NXPH1: variants seen among roughly 807,000 people sequenced by gnomAD.
NXPH1 encodes the protein neurexophilin 1, also known as neurexophilin-1.
NXPH1 carries 5 observed loss-of-function variants against 23.7 expected under a neutral mutation model. That is an observed-to-expected ratio of 0.21 (90% CI 0.11 to 0.44). The LOEUF (loss-of-function observed/expected upper bound fraction) is 0.44, where lower values mean the gene tolerates loss of function less well. Among genes scored for constraint, NXPH1 ranks in the 20% least tolerant of loss-of-function variants. NXPH1 has a pLI of 0.99. For missense variants in NXPH1, 324 were observed against 321.6 expected, an observed-to-expected ratio of 1.01 and a Z score of -0.06; for synonymous variants, 144 against 122.2, an observed-to-expected ratio of 1.18 and a Z score of -1.18.
chr7:8,729,031 T>C (rs1268276736), intron 2 of NXPH1, among the ~76,000 whole-genome samples: 1 of 152,046 alleles, frequency 6.6e-6, no homozygotes, highest in African/African-American at 2.4e-5. Context: ...GTTATTGGTC[T>C]ATTCAGAGAT....
intron 2 of NXPH1, among the ~76,000 whole-genome samples, chr7:8,710,645 TTG>T (rs59325241): frequency 0.73 from 44,998 of 61,256 alleles, 17,781 homozygotes; most frequent in East Asian, 0.84. Flanking sequence ...GTTACGTTTT[TTG>T]TTTTTTTTTT....
chr7:8,439,883 T>C (rs1048798356), intron 2 of NXPH1, among the ~76,000 whole-genome samples: 1 of 152,222 alleles, frequency 6.6e-6, no homozygotes, highest in Non-Finnish European at 1.5e-5. Flanking sequence ...GGACTAGGTA[T>C]GTGTGCTTCT....
intron 2 of NXPH1, among the ~76,000 whole-genome samples, chr7:8,453,021 C>G (rs149192737): frequency 6.6e-6 from 1 of 152,102 alleles, no homozygotes; most frequent in Non-Finnish European, 1.5e-5. Context: ...AGGCCTCTGG[C>G]AAGAACAGAG....
At chr7:8,445,337 C>T (rs1483897519) in intron 2 of NXPH1, among the ~76,000 whole-genome samples, 1 of 152,162 alleles carries the variant, frequency 6.6e-6, no homozygotes, top group Non-Finnish European at 1.5e-5. Context: ...AACAAAAGGC[C>T]AGGCTTACCA....
At chr7:8,713,784 G>T (rs915942695) in intron 2 of NXPH1, among the ~76,000 whole-genome samples, 3 of 152,144 alleles carry the variant, frequency 2.0e-5, no homozygotes, top group Non-Finnish European at 4.4e-5. Context: ...GCAGAGATTC[G>T]TGTTCTCTTC....
intron 2 of NXPH1, among the ~76,000 whole-genome samples, chr7:8,447,089 A>G (rs1816419194): frequency 6.6e-6 from 1 of 152,226 alleles, no homozygotes. Context: ...TTTCTGTTTG[A>G]GAAATTTTAA....
chr7:8,630,114 G>A (rs1820095498), intron 2 of NXPH1, among the ~76,000 whole-genome samples: 1 of 152,166 alleles, frequency 6.6e-6, no homozygotes, highest in East Asian at 1.9e-4. Flanking sequence ...CATACTGATG[G>A]TTGTTCAGAC....
chr7:8,662,170 TTA>T (rs57298280), intron 2 of NXPH1, among the ~76,000 whole-genome samples: 112 of 83,648 alleles, frequency 1.3e-3, no homozygotes, highest in African/African-American at 2.8e-3. Context: ...GCATATGATT[TTA>T]TATATATATA....
chr7:8,532,696 C>A (rs1817967444), intron 2 of NXPH1, among the ~76,000 whole-genome samples: 1 of 152,078 alleles, frequency 6.6e-6, no homozygotes, highest in South Asian at 2.1e-4. Flanking sequence ...TCTGATTATG[C>A]TGGTGGTGGT....
At chr7:8,668,703 A>G (rs1275564098) in intron 2 of NXPH1, among the ~76,000 whole-genome samples, 1 of 152,054 alleles carries the variant, frequency 6.6e-6, no homozygotes, top group East Asian at 1.9e-4. Flanking sequence ...GGTCTACTAG[A>G]ACAGGCCTGG....
chr7:8,489,135 C>G (rs1817207764), intron 2 of NXPH1, among the ~76,000 whole-genome samples: 1 of 151,996 alleles, frequency 6.6e-6, no homozygotes, highest in South Asian at 2.1e-4. Context: ...GTTTCGTTGT[C>G]AGGGCTGTGA....
chr7:8,541,166 G>C (rs1345456933), intron 2 of NXPH1, among the ~76,000 whole-genome samples: 1 of 151,636 alleles, frequency 6.6e-6, no homozygotes, highest in Non-Finnish European at 1.5e-5. Flanking sequence ...TGGACTTCAA[G>C]GTAGTCATTA....
At chr7:8,681,501 A>AACT (rs1481463221) in intron 2 of NXPH1, among the ~76,000 whole-genome samples, 1 of 152,168 alleles carries the variant, frequency 6.6e-6, no homozygotes, top group Non-Finnish European at 1.5e-5. Flanking sequence ...CATGAGTTGG[A>AACT]ACTGTGCCAC....
intron 2 of NXPH1, among the ~76,000 whole-genome samples, chr7:8,655,525 C>T (rs1231155617): frequency 6.6e-6 from 1 of 150,808 alleles, no homozygotes; most frequent in African/African-American, 2.4e-5. Context: ...CGCACACATG[C>T]TTTCATGGTA....
chr7:8,522,705 C>G (rs1817792775), intron 2 of NXPH1, among the ~76,000 whole-genome samples: 2 of 152,156 alleles, frequency 1.3e-5, no homozygotes, highest in African/African-American at 4.8e-5. Context: ...GAATTGTGAG[C>G]CCAAGTCTGG....
chr7:8,460,746 C>T (rs1054014694), intron 2 of NXPH1, among the ~76,000 whole-genome samples: 6 of 152,194 alleles, frequency 3.9e-5, no homozygotes, highest in African/African-American at 1.2e-4. Context: ...AGCCTTGCAA[C>T]GGACATGCTT....
At chr7:8,642,085 G>T (rs977926197) in intron 2 of NXPH1, among the ~76,000 whole-genome samples, 1 of 152,020 alleles carries the variant, frequency 6.6e-6, no homozygotes, top group African/African-American at 2.4e-5. Context: ...TTTTACTTCT[G>T]TTCACTGGAA....
At chr7:8,719,559 ATTATAT>A (rs1562464474) in intron 2 of NXPH1, among the ~76,000 whole-genome samples, 1 of 152,178 alleles carries the variant, frequency 6.6e-6, no homozygotes. Context: ...TGAAAATTAT[ATTATAT>A]TTGGTGGATA....
At chr7:8,727,722 G>A (rs1780080664) in intron 2 of NXPH1, among the ~76,000 whole-genome samples, 1 of 152,106 alleles carries the variant, frequency 6.6e-6, no homozygotes, top group African/African-American at 2.4e-5. Context: ...CCAGTACCAT[G>A]CTGTTTTGGT....
Sources: allele counts gnomAD v4.1 joint callset (sites outside exome capture counted in the v4.1 genomes callset), GRCh38; gene constraint gnomAD v4.1.1; transcripts MANE v1.5; gene names NCBI Gene and HGNC (gene_info 2026-07-23, HGNC 2026-07-21).